The following TNR variants were observed in gnomAD, a reference collection of about 807,000 sequenced individuals.
TNR encodes tenascin-R.
TNR carries 45 observed loss-of-function variants against 150.4 expected under a neutral mutation model. That is an observed-to-expected ratio of 0.30 (90% CI 0.24 to 0.38). TNR has a LOEUF of 0.38. Ranked by LOEUF, TNR falls within the 10% of genes least tolerant of loss-of-function variation. The pLI, the probability that TNR is intolerant of heterozygous loss-of-function variation, is 1.00. For missense variants in TNR, 1,544 were observed against 1,759.1 expected (o/e 0.88, Z 2.19); for synonymous variants, 687 against 678.4 (o/e 1.01, Z -0.20).
intron 1 of TNR, among the ~76,000 whole-genome samples, chr1:175,591,908 G>T (rs550122604): frequency 6.6e-6 from 1 of 152,330 alleles, no homozygotes; most frequent in South Asian, 2.1e-4. Flanking sequence ...TCCCCCTCCT[G>T]TAGCATTTGA....
intron 1 of TNR, among the ~76,000 whole-genome samples, chr1:175,591,056 C>G (rs1285918464): frequency 6.6e-6 from 1 of 152,192 alleles, no homozygotes; most frequent in African/African-American, 2.4e-5. Flanking sequence ...GAGGGGAGAT[C>G]ACAGAAGAAA....
chr1:175,532,121 C>A (rs1436096548), intron 1 of TNR, among the ~76,000 whole-genome samples: 1 of 152,210 alleles, frequency 6.6e-6, no homozygotes, highest in Non-Finnish European at 1.5e-5. Flanking sequence ...CAGTATAAAC[C>A]TTGTTGCTTG....
At chr1:175,413,429 G>A (rs892658463) in intron 2 of TNR, among the ~76,000 whole-genome samples, 3 of 152,232 alleles carry the variant, frequency 2.0e-5, no homozygotes, top group Admixed American at 2.0e-4. Context: ...CATTGGATAT[G>A]TTCATCTCCT....
chr1:175,573,778 G>A (rs181519994), intron 1 of TNR, among the ~76,000 whole-genome samples: 69 of 152,308 alleles, frequency 4.5e-4, no homozygotes, highest in Non-Finnish European at 4.3e-4. Flanking sequence ...ACTCCTGGCC[G>A]TAGGGTACAG....
intron 13 of TNR, 113 bp from the exon 14 acceptor site, chr1:175,362,922 G>T: frequency 2.3e-6 from 3 of 1,279,862 alleles, no homozygotes; most frequent in East Asian, 2.3e-5. Flanking sequence ...GCACTCAGTG[G>T]GGAGGGATGA....
chr1:175,594,772 T>C (rs1229112311), intron 1 of TNR, among the ~76,000 whole-genome samples: 4 of 151,130 alleles, frequency 2.6e-5, no homozygotes, highest in African/African-American at 9.8e-5. Flanking sequence ...GGAGGATCAC[T>C]TGAGCCCAGA....
intron 2 of TNR, among the ~76,000 whole-genome samples, chr1:175,410,680 C>T (rs1384617606): frequency 6.6e-6 from 1 of 152,110 alleles, no homozygotes; most frequent in Non-Finnish European, 1.5e-5. Context: ...TGTGTCTTTT[C>T]TGGGCTGGTA....
intron 18 of TNR, among the ~76,000 whole-genome samples, 185 bp downstream of exon 18, chr1:175,354,206 C>T (rs1327762822): frequency 1.3e-5 from 2 of 152,190 alleles, no homozygotes; most frequent in Admixed American, 6.5e-5. Flanking sequence ...AGTTGTACTG[C>T]TGGTTCCTGC....
At chr1:175,481,478 A>G (rs1454725438) in intron 2 of TNR, among the ~76,000 whole-genome samples, 2 of 152,154 alleles carry the variant, frequency 1.3e-5, no homozygotes, top group Non-Finnish European at 2.9e-5. Context: ...TTTCTGGTAC[A>G]GACAAGGGAT....
chr1:175,371,161 A>T lies in TNR; in HGVS notation c.1964-3864T>A, dbSNP rs1652087883. Among the ~76,000 whole-genome samples the T allele has an allele frequency of 3.3e-5, 5 of 152,092 alleles. No homozygotes were observed. In the South Asian group the frequency reaches 1.0e-3, roughly 32 times the overall value. ...CCTAGGGATTTCTCACTTTTTAAAG[A>T]CCCCATTGCTCTCTATCAATGCCCC... On this transcript the variant is annotated intron_variant, in intron 9 of 22. Coordinates refer to ENST00000367674, the MANE Select transcript of TNR (RefSeq NM_003285.3).
chr1:175,618,273 C>T (rs759982610), intron 1 of TNR, among the ~76,000 whole-genome samples: 1 of 152,144 alleles, frequency 6.6e-6, no homozygotes, highest in Non-Finnish European at 1.5e-5. Context: ...TAGTAGTTAC[C>T]ATGTGATTAA....
chr1:175,328,310 T>C (rs1649529327), intron 21 of TNR, among the ~76,000 whole-genome samples: 1 of 152,238 alleles, frequency 6.6e-6, no homozygotes, highest in African/African-American at 2.4e-5. Flanking sequence ...TTTGTAATTT[T>C]CAGTTCTGAT....
intron 2 of TNR, among the ~76,000 whole-genome samples, chr1:175,445,300 A>C (rs1655994929): frequency 6.6e-6 from 1 of 152,208 alleles, no homozygotes; most frequent in Admixed American, 6.5e-5. Context: ...AAGAAGCCTG[A>C]GACAGAGCTG....
intron 2 of TNR, among the ~76,000 whole-genome samples, chr1:175,421,283 A>G (rs60759144): frequency 0.029 from 4,369 of 152,298 alleles, 206 homozygotes; most frequent in African/African-American, 0.098. Flanking sequence ...AGATTTCCCT[A>G]GCAACAACTC....
chr1:175,392,362 C>T (rs576110301), intron 6 of TNR, among the ~76,000 whole-genome samples: 41 of 152,168 alleles, frequency 2.7e-4, no homozygotes, highest in Non-Finnish European at 5.4e-4. Flanking sequence ...TCTTATAAAT[C>T]AGTGTGATGA....
chr1:175,553,407 G>A (rs1661020115), intron 1 of TNR, among the ~76,000 whole-genome samples: 1 of 152,110 alleles, frequency 6.6e-6, no homozygotes, highest in African/African-American at 2.4e-5. Context: ...TCCAACATCT[G>A]AGAACATTTT....
intron 1 of TNR, among the ~76,000 whole-genome samples, chr1:175,591,298 C>T (rs1199005923): frequency 1.3e-5 from 2 of 152,200 alleles, no homozygotes; most frequent in Admixed American, 6.5e-5. Flanking sequence ...ACTGACTCTC[C>T]TTGCTGGATG....
In TNR at chr1:175,349,147, G is replaced by A. The variant is rs75382798; in HGVS notation, c.3382+5244C>T. Among the ~76,000 whole-genome samples the A allele has an allele frequency of 7.6e-3, 1,160 of 152,270 alleles. 10 individuals carry two copies. Among genetic ancestry groups the A allele is most frequent in the South Asian group, 0.022 (107 of 4,824 alleles). On this transcript the variant is annotated intron_variant, in intron 18 of 22. Coordinates refer to ENST00000367674, the MANE Select transcript of TNR (RefSeq NM_003285.3). Reference sequence around the variant, plus strand: ...TAGGAGCTTCTGTGCACTGTTGGAGGGAGTGTAGACTAGTACAGCCATGTG... The same window carrying A: ...TAGGAGCTTCTGTGCACTGTTGGAGAGAGTGTAGACTAGTACAGCCATGTG...
chr1:175,679,835 T>A (rs1190513145), intron 1 of TNR, among the ~76,000 whole-genome samples: 1 of 152,214 alleles, frequency 6.6e-6, no homozygotes, highest in Non-Finnish European at 1.5e-5. Context: ...GCTCAAGTCA[T>A]TCCATTGCTC....
Sources: allele counts gnomAD v4.1 joint callset (sites outside exome capture counted in the v4.1 genomes callset), GRCh38; gene constraint gnomAD v4.1.1; transcripts MANE v1.5; gene names NCBI Gene and HGNC (gene_info 2026-07-23, HGNC 2026-07-21).